Variants in PARD3B observed in about 807,000 individuals in gnomAD.
PARD3B encodes the protein par-3 family cell polarity regulator beta.
Under a neutral mutation model 130.2 loss-of-function variants are expected in PARD3B, and 103 were observed. The ratio of observed to expected loss-of-function variants is 0.79; its 90% confidence interval spans 0.67 to 0.93. PARD3B has a LOEUF of 0.93. Among genes scored for constraint, PARD3B ranks in the 40% least tolerant of loss-of-function variants. PARD3B has a pLI of 0.00. For synonymous variants in PARD3B, 583 were observed against 553.2 expected (o/e 1.05, Z -0.76); for missense variants, 1,609 against 1,499.2 (o/e 1.07, Z -1.21).
intron 15 of PARD3B, among the ~76,000 whole-genome samples, chr2:205,196,426 C>G (rs183483816): frequency 3.3e-5 from 5 of 151,434 alleles, no homozygotes; most frequent in Admixed American, 6.6e-5. Flanking sequence ...TGTCCTCTTT[C>G]ATTTATAAAA....
intron 4 of PARD3B, among the ~76,000 whole-genome samples, chr2:205,076,330 G>A (rs1701061068): frequency 1.3e-5 from 2 of 152,124 alleles, no homozygotes; most frequent in Admixed American, 6.5e-5. Flanking sequence ...TAAAACTTCT[G>A]GATAATAACT....
intron 3 of PARD3B, among the ~76,000 whole-genome samples, chr2:204,991,979 C>T (rs1387745449): frequency 6.6e-6 from 1 of 151,584 alleles, no homozygotes; most frequent in Admixed American, 6.6e-5. Context: ...GGATATTAGC[C>T]CTTTGTCAGA....
intron 20 of PARD3B, among the ~76,000 whole-genome samples, chr2:205,447,284 C>G (rs574946603): frequency 7.0e-6 from 1 of 143,282 alleles, no homozygotes; most frequent in Non-Finnish European, 1.5e-5. Flanking sequence ...GTGGTAGGGA[C>G]CTATCCTGCT....
At chr2:204,847,939 C>G (rs1380590984) in intron 2 of PARD3B, among the ~76,000 whole-genome samples, 1 of 152,148 alleles carries the variant, frequency 6.6e-6, no homozygotes, top group African/African-American at 2.4e-5. Flanking sequence ...GCTAGTTTTG[C>G]TGTTGCATCT....
intron 2 of PARD3B, among the ~76,000 whole-genome samples, chr2:204,714,927 T>C (rs2038647845): frequency 6.6e-6 from 1 of 152,210 alleles, no homozygotes; most frequent in African/African-American, 2.4e-5. Flanking sequence ...ATTTAATGGC[T>C]GAATGGCTTT....
chr2:205,171,317 G>C (rs1263998519), intron 11 of PARD3B, among the ~76,000 whole-genome samples: 2 of 152,132 alleles, frequency 1.3e-5, no homozygotes, highest in Non-Finnish European at 2.9e-5. Context: ...CTGCCTTTGG[G>C]GAAATGCACT....
chr2:205,059,654 G>A (rs753400645), intron 4 of PARD3B, among the ~76,000 whole-genome samples: 3 of 152,016 alleles, frequency 2.0e-5, no homozygotes, highest in Non-Finnish European at 4.4e-5. Flanking sequence ...AAACTTGTAG[G>A]TGGCTTGAAT....
chr2:204,926,549 G>A (rs947420504), intron 2 of PARD3B, among the ~76,000 whole-genome samples: 2 of 152,058 alleles, frequency 1.3e-5, no homozygotes, highest in Non-Finnish European at 2.9e-5. Flanking sequence ...AAGCCCCAGC[G>A]CAGTACTATG....
At chr2:204,766,365 A>G (rs984670475) in intron 2 of PARD3B, among the ~76,000 whole-genome samples, 4 of 152,302 alleles carry the variant, frequency 2.6e-5, no homozygotes, top group African/African-American at 9.6e-5. Context: ...AGAAAATTCA[A>G]ATATTATTGG....
At chr2:205,089,433 A>G (rs1266695185) in intron 4 of PARD3B, among the ~76,000 whole-genome samples, 1 of 151,618 alleles carries the variant, frequency 6.6e-6, no homozygotes, top group Non-Finnish European at 1.5e-5. Context: ...GGCCTCCCCG[A>G]CTCTCTTTTT....
intron 3 of PARD3B, among the ~76,000 whole-genome samples, chr2:205,022,228 G>C (rs1696666310): frequency 6.6e-6 from 1 of 152,078 alleles, no homozygotes; most frequent in Non-Finnish European, 1.5e-5. Flanking sequence ...ATTCTATTAT[G>C]AATACTATGC....
intron 3 of PARD3B, among the ~76,000 whole-genome samples, chr2:205,023,628 C>T (rs1000428149): frequency 2.7e-5 from 4 of 145,696 alleles, no homozygotes; most frequent in Non-Finnish European, 3.0e-5. Flanking sequence ...TACAGAGCTC[C>T]GGCTGTAGCT....
intron 3 of PARD3B, among the ~76,000 whole-genome samples, chr2:204,978,305 C>T (rs1010932132): frequency 1.3e-5 from 2 of 152,070 alleles, no homozygotes; most frequent in Non-Finnish European, 2.9e-5. Context: ...TTAAAATTAG[C>T]CAACAGATAA....
intron 1 of PARD3B, among the ~76,000 whole-genome samples, chr2:204,590,836 T>G (rs1485835253): frequency 6.6e-6 from 1 of 152,226 alleles, no homozygotes; most frequent in African/African-American, 2.4e-5. Flanking sequence ...TCACCATTCT[T>G]TGCTAAAAAC....
At chr2:204,873,519 CTT>C (rs1283956090) in intron 2 of PARD3B, among the ~76,000 whole-genome samples, 1 of 152,160 alleles carries the variant, frequency 6.6e-6, no homozygotes, top group Non-Finnish European at 1.5e-5. Context: ...GCCAGACACT[CTT>C]TTAAGTTGCT....
rs563469563 is a variant in PARD3B at position 205,585,023 on chromosome 2, C to T, written c.3261-30433C>T. On this transcript the variant is annotated intron_variant, in intron 22 of 22. Coordinates refer to ENST00000406610, the MANE Select transcript of PARD3B (RefSeq NM_001302769.2). This position sits in a 1 kb window ranked among gnomAD's most constrained non-coding sequence, Gnocchi z 5.4. ...ACAAATGACCGTTTGACAGGCACCA[C>T]TCATTGTGCACACCCGCTGATTATG... Among the ~76,000 whole-genome samples, 10 of 152,304 alleles carry T rather than the reference C, an allele frequency of 6.6e-5. No individual in the cohort carries two copies. The highest frequency in any genetic ancestry group is 1.3e-4 in the Admixed American group (2 of 15,304).
At chr2:204,698,788 G>C (rs2125271298) in intron 2 of PARD3B, among the ~76,000 whole-genome samples, 1 of 151,018 alleles carries the variant, frequency 6.6e-6, no homozygotes, top group Middle Eastern at 3.4e-3. Flanking sequence ...TTTTCCAATG[G>C]ATTTCTTTAA....
At chr2:205,113,393 G>GGTGT (rs3217407) in intron 5 of PARD3B, 98 bp from the exon 6 acceptor site, 88,773 of 567,540 alleles carry the variant, frequency 0.16, 4,802 homozygotes, top group Middle Eastern at 0.2. Context: ...CCTGAGCAGG[G>GGTGT]GTGTGTGTGT....
At chr2:205,196,509 T>G (rs972310382) in intron 15 of PARD3B, among the ~76,000 whole-genome samples, 1 of 152,184 alleles carries the variant, frequency 6.6e-6, no homozygotes, top group Non-Finnish European at 1.5e-5. Context: ...GTGATATTTC[T>G]CATCATAAAA....
Sources: allele counts gnomAD v4.1 joint callset (sites outside exome capture counted in the v4.1 genomes callset), GRCh38; gene constraint gnomAD v4.1.1; non-coding constraint Gnocchi (gnomAD v3.1); transcripts MANE v1.5; gene names NCBI Gene and HGNC (gene_info 2026-07-23, HGNC 2026-07-21).